The following STPG2 variants were observed in gnomAD, a reference collection of about 807,000 sequenced individuals.
STPG2 encodes sperm tail PG-rich repeat containing 2.
In STPG2, 56 loss-of-function variants were observed where a neutral mutation model predicts 54.2. The observed-to-expected ratio is 1.03, with a 90% CI of 0.83 to 1.29. STPG2 has a LOEUF of 1.29. Ranked by LOEUF, STPG2 falls within the 50% of genes most tolerant of loss-of-function variation. STPG2 has a pLI of 0.00. For synonymous variants in STPG2, 200 were observed against 181.8 expected (o/e 1.10, Z -0.81); for missense variants, 596 against 544.9 (o/e 1.09, Z -0.93).
chr4:97,790,279 T>C (rs1025951069), intron 9 of STPG2, among the ~76,000 whole-genome samples: 3 of 152,172 alleles, frequency 2.0e-5, no homozygotes, highest in Admixed American at 6.5e-5. Context: ...CCCTTATCTT[T>C]GAAAAATAAA....
chr4:97,648,011 C>A (rs765042991), intron 10 of STPG2, among the ~76,000 whole-genome samples: 2 of 152,162 alleles, frequency 1.3e-5, no homozygotes, highest in Non-Finnish European at 2.9e-5. Context: ...ATGGCACTGA[C>A]TGACCACTTA....
rs187875329 is a variant in STPG2 at position 97,565,253 on chromosome 4, C to G, written c.1321-6136G>C. On this transcript the variant is annotated intron_variant, in intron 10 of 10. Transcript: ENST00000295268. Reference sequence around the variant, plus strand: ...GCTCCTGAGGCTTCTGCATTCTTCACGCAGTTCTCGAGCCTTGGCTTTCAG... The same window carrying G: ...GCTCCTGAGGCTTCTGCATTCTTCAGGCAGTTCTCGAGCCTTGGCTTTCAG... 3.5e-3 allele frequency among the ~76,000 whole-genome samples: 527 copies of G among 152,302 alleles called. 4 individuals are homozygous for G. Among genetic ancestry groups the G allele is most frequent in the African/African-American group, 0.012 (490 of 41,562 alleles).
intron 8 of STPG2, among the ~76,000 whole-genome samples, chr4:97,874,911 A>T (rs1250910938): frequency 6.6e-6 from 1 of 151,898 alleles, no homozygotes; most frequent in African/African-American, 2.4e-5. Context: ...AAACTCCTTG[A>T]CCTTGAACTT....
At chr4:97,509,342 G>A (rs988387447) in intron 4 of STPG2, among the ~76,000 whole-genome samples, 10 of 151,974 alleles carry the variant, frequency 6.6e-5, no homozygotes, top group African/African-American at 1.7e-4. Flanking sequence ...TTTATTCATT[G>A]TTATGAGCTT....
intron 4 of STPG2, among the ~76,000 whole-genome samples, chr4:97,518,488 A>C (rs996363713): frequency 1.3e-5 from 2 of 152,184 alleles, no homozygotes; most frequent in African/African-American, 4.8e-5. Flanking sequence ...ACTTACTGGC[A>C]GTTTTAAATG....
At chr4:97,621,431 G>A (rs1734007394) in intron 10 of STPG2, among the ~76,000 whole-genome samples, 2 of 152,062 alleles carry the variant, frequency 1.3e-5, no homozygotes, top group Non-Finnish European at 2.9e-5. Flanking sequence ...AATGCAATCA[G>A]AAATGACAAA....
At chr4:97,617,761 G>A (rs1346958950) in intron 10 of STPG2, among the ~76,000 whole-genome samples, 1 of 152,130 alleles carries the variant, frequency 6.6e-6, no homozygotes, top group Non-Finnish European at 1.5e-5. Flanking sequence ...GGAAAGAAAT[G>A]TGAGTTAGAT....
At chr4:98,091,038 T>C (rs1738670392) in intron 5 of STPG2, among the ~76,000 whole-genome samples, 2 of 151,722 alleles carry the variant, frequency 1.3e-5, no homozygotes, top group African/African-American at 2.4e-5. Flanking sequence ...AATCTCCATA[T>C]CATCATTTAC....
chr4:97,830,526 A>G (rs1052410935), intron 9 of STPG2, among the ~76,000 whole-genome samples: 1 of 152,196 alleles, frequency 6.6e-6, no homozygotes, highest in East Asian at 1.9e-4. Flanking sequence ...ACATAACAAT[A>G]TTAACCTTAA....
intron 8 of STPG2, among the ~76,000 whole-genome samples, chr4:97,870,379 A>C (rs1449599015): frequency 6.6e-6 from 1 of 151,576 alleles, no homozygotes; most frequent in Non-Finnish European, 1.5e-5. Flanking sequence ...TCATATAGGT[A>C]ACAAAATAAT....
At chr4:97,569,707 T>G (rs1274895295) in intron 10 of STPG2, among the ~76,000 whole-genome samples, 1 of 152,168 alleles carries the variant, frequency 6.6e-6, no homozygotes, top group Non-Finnish European at 1.5e-5. Flanking sequence ...AGATTTTATT[T>G]GATAACCATT....
At chr4:97,956,580 A>G (rs1733684161) in intron 7 of STPG2, among the ~76,000 whole-genome samples, 1 of 152,156 alleles carries the variant, frequency 6.6e-6, no homozygotes, top group Non-Finnish European at 1.5e-5. Flanking sequence ...GAGCCAGGAG[A>G]CACCCCAAAT....
At chr4:97,955,459 C>T (rs1197799817) in intron 7 of STPG2, among the ~76,000 whole-genome samples, 2 of 152,080 alleles carry the variant, frequency 1.3e-5, no homozygotes, top group African/African-American at 4.8e-5. Context: ...TCGTGATCCA[C>T]CCATCTCGGC....
chr4:97,635,401 G>T (rs1043885789), intron 10 of STPG2, among the ~76,000 whole-genome samples: 2 of 152,154 alleles, frequency 1.3e-5, no homozygotes, highest in African/African-American at 4.8e-5. Context: ...AAAATGTAAA[G>T]ACCATTGAGA....
In STPG2 at chr4:97,724,479, G is replaced by T. The variant is rs184520740; in HGVS notation, c.1205-11665C>A. ...TTAATCCTAGGAACGTTATTTTTAC[G>T]GTGAGTTGTACATTATTTCATTACT... On this transcript the variant is annotated intron_variant, in intron 9 of 10. Transcript: ENST00000295268. Among the ~76,000 whole-genome samples, 349 of 151,938 alleles carry T rather than the reference G, an allele frequency of 2.3e-3. 1 individual carries two copies. Among genetic ancestry groups the T allele is most frequent in the African/African-American group, 7.9e-3 (326 of 41,436 alleles).
At chr4:97,671,324 C>T (rs959760822) in intron 10 of STPG2, among the ~76,000 whole-genome samples, 36 of 152,162 alleles carry the variant, frequency 2.4e-4, no homozygotes, top group African/African-American at 8.4e-4. Context: ...GACTGTTATT[C>T]TTGGGTGGAT....
intron 9 of STPG2, among the ~76,000 whole-genome samples, chr4:97,744,367 G>T (rs1485129388): frequency 6.6e-6 from 1 of 151,188 alleles, no homozygotes; most frequent in Admixed American, 6.6e-5. Flanking sequence ...TAATTGTTGG[G>T]AGGAAGTAGG....
chr4:97,999,681 G>A (rs1172189897), intron 5 of STPG2, among the ~76,000 whole-genome samples: 4 of 152,042 alleles, frequency 2.6e-5, no homozygotes, highest in South Asian at 2.1e-4. Flanking sequence ...CCTAAGTGAC[G>A]GAGTGAGACT....
intron 8 of STPG2, among the ~76,000 whole-genome samples, chr4:97,897,998 T>A (rs2149182333): frequency 6.6e-6 from 1 of 152,272 alleles, no homozygotes; most frequent in African/African-American, 2.4e-5. Context: ...TCCAGAATAG[T>A]ATTGTCCAGG....
Sources: gnomAD v4.1 joint callset for allele counts (sites outside exome capture counted in the v4.1 genomes callset) on GRCh38, gnomAD v4.1.1 for gene constraint, MANE v1.5 for transcripts, NCBI Gene and HGNC (gene_info 2026-07-23, HGNC 2026-07-21) for gene names.